The following ABCC11 variants were observed in gnomAD, a reference collection of about 807,000 sequenced individuals.
ABCC11 encodes ATP-binding cassette sub-family C member 11.
ABCC11 carries 135 observed loss-of-function variants against 149.3 expected under a neutral mutation model. That is an observed-to-expected ratio of 0.90 (90% CI 0.79 to 1.04). The LOEUF (loss-of-function observed/expected upper bound fraction) is 1.04, where lower values mean the gene tolerates loss of function less well. ABCC11 is among the 50% of genes least tolerant of loss of function. ABCC11 has a pLI of 0.00. For missense variants in ABCC11, 1,680 were observed against 1,722.1 expected (o/e 0.98, Z 0.43); for synonymous variants, 665 against 671.4 (o/e 0.99, Z 0.15).
chr16:48,167,247 C>T lies in ABCC11; in HGVS notation c.*27G>A, dbSNP rs1156645231. 1.3e-6 allele frequency: 1 copy of T among 787,726 alleles called. No individual in the cohort carries two copies. The allele number at this position is 787,726 out of a possible 1,614,324, so 48.8% of individuals were successfully genotyped here. ...TGTGTGAACCTCTGAGCTCAGCTGC[C>T]AGCCTCCATGAAGTCTCCACATCTC... On this transcript the variant is annotated 3_prime_UTR_variant, in exon 30 of 30. Coordinates refer to ENST00000356608, the MANE Select transcript of ABCC11 (RefSeq NM_001370497.1).
intron 5 of ABCC11, 61 bp from the exon 6 acceptor site, chr16:48,222,892 G>A: frequency 7.1e-7 from 1 of 1,414,090 alleles, no homozygotes; most frequent in East Asian, 2.4e-5. Flanking sequence ...TTGATGTTTT[G>A]TTGCTGGAAG....
chr16:48,224,817 G>T (rs938880459), intron 4 of ABCC11, among the ~76,000 whole-genome samples: 2 of 152,300 alleles, frequency 1.3e-5, no homozygotes, highest in African/African-American at 4.8e-5. Context: ...GAGGTCAGGG[G>T]TTCGAGACCA....
Position 48,187,045 on chromosome 16 carries a change from A to G in ABCC11, c.2979T>C (p.Tyr993=), listed in dbSNP as rs1488335396. ...TGTGGGAGAATAAAGGAGACCGGCT[A>G]TAGTTCTCCAGTCTCTTGAACACAC... ...AIGVFKRLEN[Y]SRSPLFSHIL... The change falls in exon 22 of 30, where the codon TAT becomes TAC. Residue 993 remains tyrosine, a synonymous_variant. Coordinates refer to ENST00000356608, the MANE Select transcript of ABCC11 (RefSeq NM_001370497.1). 6.2e-7 allele frequency: 1 copy of G among 1,614,176 alleles called. No individual in the cohort carries two copies. Among genetic ancestry groups the G allele is most frequent in the African/African-American group, 1.3e-5 (1 of 75,030 alleles).
intron 26 of ABCC11, 140 bp downstream of exon 26, chr16:48,175,118 A>G: frequency 9.3e-7 from 1 of 1,071,750 alleles, no homozygotes; most frequent in Non-Finnish European, 1.3e-6. Context: ...GAGGTAAGCC[A>G]GGTAGGCATG....
chr16:48,200,060 T>G (rs953184510), intron 15 of ABCC11, among the ~76,000 whole-genome samples: 44 of 152,182 alleles, frequency 2.9e-4, no homozygotes, highest in African/African-American at 1.1e-3. Flanking sequence ...TGTTCTCAAT[T>G]TTTACCAGCA....
At chr16:48,224,607 G>C (rs753662189) in intron 4 of ABCC11, among the ~76,000 whole-genome samples, 178 bp from the exon 5 acceptor site, 2 of 152,130 alleles carry the variant, frequency 1.3e-5, no homozygotes, top group African/African-American at 4.8e-5. Flanking sequence ...TGACATTTTT[G>C]TTTCATGTCT....
chr16:48,230,653 T>G, intron 2 of ABCC11, 80 bp from the exon 3 acceptor site: 1 of 1,369,712 alleles, frequency 7.3e-7, no homozygotes, highest in Non-Finnish European at 9.6e-7. Context: ...CAGCTGCCCA[T>G]GGAGAAATGG....
At chr16:48,196,862 G>T (rs935096194) in intron 17 of ABCC11, among the ~76,000 whole-genome samples, 1 of 152,192 alleles carries the variant, frequency 6.6e-6, no homozygotes, top group Non-Finnish European at 1.5e-5. Flanking sequence ...GATGATAATT[G>T]TAACAACAAA....
At chr16:48,196,371 A>T (rs1567506587) in intron 17 of ABCC11, 50 bp from the exon 18 acceptor site, 1 of 1,554,486 alleles carries the variant, frequency 6.4e-7, no homozygotes, top group Admixed American at 1.7e-5. Flanking sequence ...CAATCACATG[A>T]TCTGCTTCCT....
intron 15 of ABCC11, among the ~76,000 whole-genome samples, chr16:48,199,839 A>C (rs569891876): frequency 6.6e-6 from 1 of 151,372 alleles, no homozygotes. Flanking sequence ...CACCTGGCTA[A>C]TTTTTTTAAA....
chr16:48,214,809 A>G, intron 9 of ABCC11, 72 bp downstream of exon 9: 3 of 1,583,126 alleles, frequency 1.9e-6, no homozygotes, highest in Non-Finnish European at 1.7e-6. Context: ...TTTGAGGGGC[A>G]TGGCTAAAAA....
Position 48,184,448 on chromosome 16 carries a change from C to T in ABCC11, c.3250G>A (p.Val1084Met), listed in dbSNP as rs553813897. The T allele has an allele frequency of 5.9e-5, 96 of 1,613,770 alleles. No individual in the cohort carries two copies. The East Asian group carries it at 8.5e-4, about 14-fold the overall frequency. ...YSFKVMAVNI[V>M]LQLASSFQAT... ...CAGAGTCACCCCCTCACCTGCAGCA[C>T]GATGTTGACAGCCATGACTTTAAAG... is the stretch of plus-strand genomic sequence containing the variant. The change falls in exon 23 of 30, where the codon GTG becomes ATG. Residue 1084 changes from valine to methionine, a missense_variant. Physicochemically the swap from Val to Met is conservative, Grantham distance 21. Transcript: ENST00000356608.
chr16:48,217,340 T>C (rs916332484), intron 6 of ABCC11, among the ~76,000 whole-genome samples: 3 of 152,134 alleles, frequency 2.0e-5, no homozygotes, highest in Admixed American at 2.0e-4. Flanking sequence ...AAAAGTAACA[T>C]TTGGCCGGGC....
At chr16:48,216,669 C>G (rs1969366443) in intron 6 of ABCC11, among the ~76,000 whole-genome samples, 2 of 152,100 alleles carry the variant, frequency 1.3e-5, no homozygotes, top group South Asian at 4.1e-4. Flanking sequence ...GTTAAAGAAA[C>G]CAGTAACTAA....
intron 26 of ABCC11, among the ~76,000 whole-genome samples, chr16:48,171,573 A>G (rs1483251909): frequency 6.6e-6 from 1 of 152,230 alleles, no homozygotes; most frequent in East Asian, 1.9e-4. Flanking sequence ...AAAGTACATA[A>G]TATTTATCAT....
At chr16:48,227,751 C>A (rs1970167985) in intron 4 of ABCC11, 55 bp downstream of exon 4, 2 of 1,608,630 alleles carry the variant, frequency 1.2e-6, no homozygotes, top group Non-Finnish European at 1.7e-6. Flanking sequence ...TGGTCATTAT[C>A]CCACCAAGAG....
chr16:48,190,794 T>C (rs1596710469), intron 20 of ABCC11, among the ~76,000 whole-genome samples: 2 of 152,210 alleles, frequency 1.3e-5, no homozygotes, highest in South Asian at 4.1e-4. Context: ...CAACTCTGTA[T>C]ATGACCATGC....
At chr16:48,232,120 T>A in intron 1 of ABCC11, 181 bp from the exon 2 acceptor site, 1 of 1,341,630 alleles carries the variant, frequency 7.5e-7, no homozygotes, top group Non-Finnish European at 9.6e-7. Flanking sequence ...TTTTTAAACA[T>A]CTTCTCAGGC....
In ABCC11 at chr16:48,184,389, G is replaced by A. The variant is rs374780866; in HGVS notation, c.3258+51C>T. 6.9e-6 allele frequency: 11 copies of A among 1,584,538 alleles called. No homozygotes were observed. In the African/African-American group the frequency reaches 1.1e-4, roughly 15 times the overall value. On this transcript the variant is annotated intron_variant, in intron 23 of 29. Transcript: ENST00000356608. ...CCCTGAGTCTGCCCAGAAGCCACAG[G>A]CAGAGGATGAGCAAAGCTCAGAGAG...
Sources: gnomAD v4.1 joint callset for allele counts (sites outside exome capture counted in the v4.1 genomes callset) on GRCh38, gnomAD v4.1.1 for gene constraint, MANE v1.5 for transcripts, NCBI Gene and HGNC (gene_info 2026-07-23, HGNC 2026-07-21) for gene names.